The following PTPRD variants were observed in gnomAD, a reference collection of about 807,000 sequenced individuals.
PTPRD encodes the protein protein tyrosine phosphatase receptor type D.
PTPRD carries 34 observed loss-of-function variants against 214.5 expected under a neutral mutation model. The ratio of observed to expected loss-of-function variants is 0.16; its 90% confidence interval spans 0.12 to 0.21. The LOEUF (loss-of-function observed/expected upper bound fraction) is 0.21. PTPRD is among the 10% of genes least tolerant of loss of function. The probability of loss-of-function intolerance (pLI) is 1.00; values close to 1 mark genes in which losing one functional copy is unlikely to be tolerated. For missense variants in PTPRD, 2,545 were observed against 2,398.7 expected, an observed-to-expected ratio of 1.06 and a Z score of -1.27; for synonymous variants, 1,128 against 845.7, an observed-to-expected ratio of 1.33 and a Z score of -5.79.
At chr9:8,763,859 A>C (rs1327868310) in intron 11 of PTPRD, among the ~76,000 whole-genome samples, 1 of 152,144 alleles carries the variant, frequency 6.6e-6, no homozygotes, top group African/African-American at 2.4e-5. Context: ...AAGCCACAAA[A>C]TGTATTTCCT....
chr9:9,575,306 G>A (rs529109950), intron 7 of PTPRD, among the ~76,000 whole-genome samples: 9 of 151,896 alleles, frequency 5.9e-5, no homozygotes, highest in African/African-American at 2.2e-4. Context: ...GTACTCCATC[G>A]TTCACTGTAC....
At chr9:9,966,608 G>T (rs542745524) in intron 4 of PTPRD, among the ~76,000 whole-genome samples, 1 of 152,094 alleles carries the variant, frequency 6.6e-6, no homozygotes, top group African/African-American at 2.4e-5. Flanking sequence ...ACTTAAATAT[G>T]TTGTAGTCAC....
chr9:8,350,596 AAATC>A (rs2075175932), intron 39 of PTPRD, among the ~76,000 whole-genome samples: 1 of 152,138 alleles, frequency 6.6e-6, no homozygotes, highest in South Asian at 2.1e-4. Context: ...TCTTTGATAA[AAATC>A]AACATTTAAC....
At chr9:9,895,310 G>C (rs1432419863) in intron 5 of PTPRD, among the ~76,000 whole-genome samples, 1 of 149,298 alleles carries the variant, frequency 6.7e-6, no homozygotes, top group Admixed American at 6.6e-5. Context: ...GTAACAGTGG[G>C]AAGGGGGAAG....
At position 9,688,139 on chromosome 9, in the gene PTPRD, T is replaced by C. The variant is rs115206416; in HGVS notation, c.-287+46394A>G. Reference sequence around the variant, plus strand: ...CTGAGGCTTCCTCAACCATGTGGAATTGTGAGTCAATTAAACCTCTTTTCT... The same window carrying C: ...CTGAGGCTTCCTCAACCATGTGGAACTGTGAGTCAATTAAACCTCTTTTCT... On this transcript the variant is annotated intron_variant, in intron 7 of 45. Transcript: ENST00000381196. 3.2e-3 allele frequency among the ~76,000 whole-genome samples: 480 copies of C among 151,954 alleles called. 2 individuals are homozygous for C. Among genetic ancestry groups the C allele is most frequent in the African/African-American group, 0.011 (459 of 41,506 alleles).
chr9:9,535,555 A>G (rs917006811), intron 8 of PTPRD, among the ~76,000 whole-genome samples: 6 of 152,150 alleles, frequency 3.9e-5, no homozygotes, highest in African/African-American at 1.2e-4. Context: ...GTACACATAC[A>G]TTAAAAACAG....
intron 35 of PTPRD, among the ~76,000 whole-genome samples, chr9:8,423,590 C>T (rs889666063): frequency 1.3e-5 from 2 of 152,132 alleles, no homozygotes; most frequent in South Asian, 4.2e-4. Context: ...GCAAGTTTCC[C>T]CTTCTTCATT....
intron 3 of PTPRD, among the ~76,000 whole-genome samples, chr9:10,069,412 T>C (rs1431811627): frequency 2.6e-5 from 4 of 152,052 alleles, no homozygotes; most frequent in African/African-American, 9.6e-5. Context: ...TGCTATACTA[T>C]GCCAGGCTCC....
At chr9:8,978,312 A>T (rs567142723) in intron 11 of PTPRD, among the ~76,000 whole-genome samples, 15 of 152,086 alleles carry the variant, frequency 9.9e-5, no homozygotes, top group Admixed American at 7.2e-4. Context: ...TATGGTTGTT[A>T]CTGTGTAAGT....
At chr9:9,367,596 T>C (rs566338130) in intron 9 of PTPRD, among the ~76,000 whole-genome samples, 2 of 151,634 alleles carry the variant, frequency 1.3e-5, no homozygotes, top group African/African-American at 2.4e-5. Flanking sequence ...GTAACTATCA[T>C]TGGAAGTTTG....
intron 2 of PTPRD, among the ~76,000 whole-genome samples, chr9:10,493,533 A>C (rs559394950): frequency 5.3e-5 from 8 of 152,236 alleles, no homozygotes; most frequent in African/African-American, 1.7e-4. Context: ...TGTTGGGAAA[A>C]TTGGCTAGCC....
intron 9 of PTPRD, among the ~76,000 whole-genome samples, chr9:9,286,915 T>C (rs1281134328): frequency 5.3e-5 from 5 of 94,410 alleles, no homozygotes; most frequent in African/African-American, 2.1e-4. Flanking sequence ...TATATATATA[T>C]ATATATATAT....
At chr9:8,757,919 T>C (rs951557966) in intron 11 of PTPRD, among the ~76,000 whole-genome samples, 2 of 152,184 alleles carry the variant, frequency 1.3e-5, no homozygotes, top group East Asian at 3.8e-4. Flanking sequence ...ACATTCATTT[T>C]ATAATTTGAA....
At chr9:10,100,425 A>G (rs904819178) in intron 3 of PTPRD, among the ~76,000 whole-genome samples, 2 of 151,694 alleles carry the variant, frequency 1.3e-5, no homozygotes, top group African/African-American at 4.8e-5. Flanking sequence ...ACTGATCTCT[A>G]TTATTTCTCC....
chr9:8,999,286 C>T (rs573929139), intron 11 of PTPRD, among the ~76,000 whole-genome samples: 2 of 151,908 alleles, frequency 1.3e-5, no homozygotes, highest in Admixed American at 6.6e-5. Context: ...CAAACTTCAC[C>T]GTTGTCTTGT....
At chr9:10,107,588 G>A (rs547419787) in intron 3 of PTPRD, among the ~76,000 whole-genome samples, 1 of 152,140 alleles carries the variant, frequency 6.6e-6, no homozygotes, top group African/African-American at 2.4e-5. Context: ...TGTTTGTTAT[G>A]AGGATACACA....
intron 11 of PTPRD, among the ~76,000 whole-genome samples, chr9:8,734,757 T>C (rs2098699396): frequency 6.6e-6 from 1 of 152,092 alleles, no homozygotes; most frequent in Non-Finnish European, 1.5e-5. Context: ...GTAGGGAAAA[T>C]AAAGCAGGTA....
chr9:10,170,497 C>G (rs2099195128), intron 3 of PTPRD, among the ~76,000 whole-genome samples: 2 of 152,076 alleles, frequency 1.3e-5, no homozygotes, highest in African/African-American at 4.8e-5. Flanking sequence ...CGGCTCCTGG[C>G]TAACACGGTG....
intron 11 of PTPRD, among the ~76,000 whole-genome samples, chr9:8,909,459 A>C (rs2098731752): frequency 6.6e-6 from 1 of 152,170 alleles, no homozygotes. Flanking sequence ...TTCTATATTC[A>C]ATTAATGTAG....
Sources: gnomAD v4.1 joint callset for allele counts (sites outside exome capture counted in the v4.1 genomes callset) on GRCh38, gnomAD v4.1.1 for gene constraint, MANE v1.5 for transcripts, NCBI Gene and HGNC (gene_info 2026-07-23, HGNC 2026-07-21) for gene names.